Variants in KCNK12 observed in about 807,000 individuals in gnomAD.
KCNK12 encodes the protein potassium channel subfamily K member 12.
In KCNK12, 6 loss-of-function variants were observed where a neutral mutation model predicts 25.3. The observed-to-expected ratio is 0.24, with a 90% confidence interval of 0.13 to 0.47. The LOEUF (loss-of-function observed/expected upper bound fraction) is 0.47, where lower values mean the gene tolerates loss of function less well. Among genes scored for constraint, KCNK12 ranks in the 20% least tolerant of loss-of-function variants. The pLI, the probability that KCNK12 is intolerant of heterozygous loss-of-function variation, is 0.99. For synonymous variants in KCNK12, 331 were observed against 311.1 expected (o/e 1.06, Z -0.67); for missense variants, 444 against 661.7 (o/e 0.67, Z 3.61).
At position 47,519,700 on chromosome 2, in the gene KCNK12, C is replaced by T. The variant is rs1668605294; in HGVS notation, c.*1207G>A. ...GCTACCTCCCTCCTGCCTTCCTCTG[C>T]CTCCAATAGGCTGTGCATGGAGAAG... On this transcript the variant is annotated 3_prime_UTR_variant, in exon 2 of 2. Coordinates refer to ENST00000327876, the MANE Select transcript of KCNK12 (RefSeq NM_022055.2). 1 of 152,280 alleles carries T rather than the reference C, an allele frequency of 6.6e-6. No homozygotes were observed. The highest frequency in any genetic ancestry group is 6.5e-5 in the Admixed American group (1 of 15,284). The allele number at this position is 152,280 out of a possible 1,614,324, so 9.4% of individuals were successfully genotyped here. A position where few individuals can be genotyped will look rare whatever the true frequency, so the allele number is the denominator to read the frequency against.
intron 1 of KCNK12, among the ~76,000 whole-genome samples, chr2:47,526,222 C>G (rs989647102): frequency 1.4e-5 from 2 of 146,694 alleles, no homozygotes; most frequent in Admixed American, 6.8e-5. Flanking sequence ...TGCAAAAACC[C>G]CGTCTCTCCT....
In KCNK12 at chr2:47,569,988, TC is replaced by T; in HGVS notation, c.343del (p.Asp115ThrfsTer16). On this transcript the variant is annotated frameshift_variant, in exon 1 of 2. Coordinates refer to ENST00000327876, the MANE Select transcript of KCNK12 (RefSeq NM_022055.2). LOFTEE classifies it high-confidence loss of function. The surrounding 1 kb of genome is among the most constrained non-coding windows in gnomAD (Gnocchi z 4.1). Reference sequence around the variant, plus strand: ...CACGAAGTAGAAGGCGCCGGGGAAGTCCCAGCGCGGGCGCAGCGCGTCGGCG... The same window carrying T: ...CACGAAGTAGAAGGCGCCGGGGAAGTCCAGCGCGGGCGCAGCGCGTCGGCG... ...VRADALRPRW[D>X]FPGAFYFVGT... is the part of the protein sequence containing the mutation. The T allele has an allele frequency of 7.0e-7, 1 of 1,433,284 alleles. No homozygotes were observed. Among genetic ancestry groups the T allele is most frequent in the Non-Finnish European group, 9.1e-7 (1 of 1,094,480 alleles). The allele number at this position is 1,433,284 out of a possible 1,614,324, so 88.8% of individuals were successfully genotyped here.
In KCNK12 at chr2:47,520,929, G is replaced by A; in HGVS notation, c.1271C>T (p.Ala424Val). The A allele has an allele frequency of 7.9e-7, 1 of 1,269,360 alleles. No homozygotes were observed. Among genetic ancestry groups the A allele is most frequent in the Non-Finnish European group, 9.9e-7 (1 of 1,006,430 alleles). The allele number at this position is 1,269,360 out of a possible 1,614,324, so 78.6% of individuals were successfully genotyped here. A position where few individuals can be genotyped will look rare whatever the true frequency, so the allele number is the denominator to read the frequency against. The stretch of plus-strand genomic sequence containing the variant: ...GGTCTACCTGGAGGCGCTGGTCTCG[G>A]CCAGCCGGTTGTTCATGATGCCCAG... ...GALGIMNNRL[A>V]ETSASR is the part of the protein sequence containing the mutation. The change falls in exon 2 of 2, where the codon GCC becomes GTC. Residue 424 changes from alanine to valine, a missense_variant. Transcript: ENST00000327876. This position sits in a 1 kb window ranked among gnomAD's most constrained non-coding sequence, Gnocchi z 5.0.
chr2:47,545,910 ACTT>A (rs1284313726), intron 1 of KCNK12, among the ~76,000 whole-genome samples: 34 of 148,794 alleles, frequency 2.3e-4, no homozygotes, highest in Admixed American at 1.8e-3. Flanking sequence ...ATTGCACTTA[ACTT>A]CTTTTTTTTT....
chr2:47,537,562 C>T (rs1214287552), intron 1 of KCNK12, among the ~76,000 whole-genome samples: 1 of 152,142 alleles, frequency 6.6e-6, no homozygotes, highest in African/African-American at 2.4e-5. Context: ...ATCTCTTGAC[C>T]TCGTGATCCG....
At chr2:47,541,736 C>T (rs1669204419) in intron 1 of KCNK12, among the ~76,000 whole-genome samples, 1 of 152,142 alleles carries the variant, frequency 6.6e-6, no homozygotes, top group Non-Finnish European at 1.5e-5. Context: ...AGGAAAACCA[C>T]GTGAAGATAT....
In KCNK12 at chr2:47,533,356, T is replaced by C. The variant is rs892436666; in HGVS notation, c.392-11548A>G. Among the ~76,000 whole-genome samples, 3 of 152,272 alleles carry C rather than the reference T, an allele frequency of 2.0e-5. No individual in the cohort carries two copies. Among genetic ancestry groups the C allele is most frequent in the African/African-American group, 7.2e-5 (3 of 41,554 alleles). Reference sequence around the variant, plus strand: ...TCACTGTGAAGATTAAATGAGGATGTAGTTCCCACATGCATCCCACAGTGC... The same window carrying C: ...TCACTGTGAAGATTAAATGAGGATGCAGTTCCCACATGCATCCCACAGTGC... On this transcript the variant is annotated intron_variant, in intron 1 of 1. Transcript: ENST00000327876. This position sits in a 1 kb window ranked among gnomAD's most constrained non-coding sequence, Gnocchi z 4.7.
chr2:47,570,003 A>T lies in KCNK12; in HGVS notation c.329T>A (p.Leu110Gln). The T allele has an allele frequency of 7.0e-7, 1 of 1,435,090 alleles. No homozygotes were observed. Among genetic ancestry groups the T allele is most frequent in the Non-Finnish European group, 9.1e-7 (1 of 1,093,638 alleles). The allele number at this position is 1,435,090 out of a possible 1,614,324, so 88.9% of individuals were successfully genotyped here. Residue 110 changes from leucine (L) to glutamine (Q), a missense_variant, in exon 1 of 2, where the codon CTG becomes CAG. By Grantham distance (113) the Leu-to-Gln change is moderately radical (BLOSUM62 -2). This residue lies in a region of KCNK12 where 106 missense variants were observed against 142.2 expected (regional missense o/e 0.75). Coordinates refer to ENST00000327876, the MANE Select transcript of KCNK12 (RefSeq NM_022055.2). ...ALAAGVRADA[L>Q]RPRWDFPGAF... The stretch of plus-strand genomic sequence containing the variant: ...GCCGGGGAAGTCCCAGCGCGGGCGC[A>T]GCGCGTCGGCGCGGACGCCGGCGGC...
At chr2:47,554,019 A>G (rs1222923597) in intron 1 of KCNK12, among the ~76,000 whole-genome samples, 1 of 152,200 alleles carries the variant, frequency 6.6e-6, no homozygotes, top group African/African-American at 2.4e-5. Flanking sequence ...GTGCTTATGA[A>G]ATACCAGGGC....
chr2:47,526,202 C>G (rs1198829091), intron 1 of KCNK12, among the ~76,000 whole-genome samples: 4 of 150,034 alleles, frequency 2.7e-5, no homozygotes, highest in African/African-American at 9.9e-5. Flanking sequence ...CAAGACCAGC[C>G]TGACCAATAT....
intron 1 of KCNK12, among the ~76,000 whole-genome samples, chr2:47,554,483 C>T (rs1198925423): frequency 6.6e-6 from 1 of 152,160 alleles, no homozygotes; most frequent in Non-Finnish European, 1.5e-5. Flanking sequence ...ACTCACAGAG[C>T]AGTGCGCCAG....
In KCNK12 at chr2:47,518,374, C is replaced by T. The variant is rs1668572322; in HGVS notation, c.*2533G>A. 2 of 152,328 alleles carry T rather than the reference C, an allele frequency of 1.3e-5. No homozygotes were observed. The highest frequency in any genetic ancestry group is 3.9e-4 in the East Asian group (2 of 5,174). 9.4% of individuals were successfully genotyped at this position (152,328 alleles called of 1,614,324 possible). On this transcript the variant is annotated 3_prime_UTR_variant, in exon 2 of 2. Coordinates refer to ENST00000327876, the MANE Select transcript of KCNK12 (RefSeq NM_022055.2). The surrounding 1 kb of genome is among the most constrained non-coding windows in gnomAD (Gnocchi z 4.1). ...GAAGAGGAAGGGTCTCATTTTCCTG[C>T]CCCTTGAAACCATGCTTACCATTCC...
At chr2:47,549,781 A>C (rs1406348098) in intron 1 of KCNK12, among the ~76,000 whole-genome samples, 1 of 152,156 alleles carries the variant, frequency 6.6e-6, no homozygotes, top group African/African-American at 2.4e-5. Context: ...TAAAAATACA[A>C]AAATTAGCCA....
chr2:47,566,224 C>G lies in KCNK12; in HGVS notation c.391+3717G>C, dbSNP rs942081791. 6.6e-6 allele frequency: 1 copy of G among 152,224 alleles called. No individual in the cohort carries two copies. Among genetic ancestry groups the G allele is most frequent in the Admixed American group, 6.5e-5 (1 of 15,284 alleles). The allele number at this position is 152,224 out of a possible 1,614,324, so 9.4% of individuals were successfully genotyped here. A position where few individuals can be genotyped will look rare whatever the true frequency, so the allele number is the denominator to read the frequency against. ...ATCTACACGATTGCAAACTGCCCAG[C>G]TGTGGATACGGGGCCCTGTTCAAAC... On this transcript the variant is annotated intron_variant, in intron 1 of 1. Coordinates refer to ENST00000327876, the MANE Select transcript of KCNK12 (RefSeq NM_022055.2). The surrounding 1 kb of genome is among the most constrained non-coding windows in gnomAD (Gnocchi z 4.1).
intron 1 of KCNK12, among the ~76,000 whole-genome samples, chr2:47,545,625 C>A (rs1473146396): frequency 2.0e-5 from 3 of 152,230 alleles, no homozygotes; most frequent in Non-Finnish European, 4.4e-5. Flanking sequence ...CTGTCACTTG[C>A]TGGCTCTTTG....
At chr2:47,559,367 G>A (rs1392016927) in intron 1 of KCNK12, among the ~76,000 whole-genome samples, 1 of 152,162 alleles carries the variant, frequency 6.6e-6, no homozygotes, top group African/African-American at 2.4e-5. Context: ...GGGAGGTTCT[G>A]GAAACGTGGT....
intron 1 of KCNK12, among the ~76,000 whole-genome samples, chr2:47,541,853 T>A (rs1003074725): frequency 1.3e-4 from 20 of 152,264 alleles, no homozygotes; most frequent in Non-Finnish European, 1.6e-4. Flanking sequence ...AGAAAATACA[T>A]TTCCATTGTT....
Position 47,521,458 on chromosome 2 carries a change from A to T in KCNK12, c.742T>A (p.Tyr248Asn). Residue 248 changes from tyrosine (Y) to asparagine (N), a missense_variant, in exon 2 of 2, where the codon TAC (tyrosine) becomes AAC (asparagine). This residue lies in a region of KCNK12 where 56 missense variants were observed against 135.7 expected (regional missense o/e 0.41). Coordinates refer to ENST00000327876, the MANE Select transcript of KCNK12 (RefSeq NM_022055.2). ...VEGWDYVDSL[Y>N]FCFVTFSTIG... ...GTGCTGAAGGTGACGAAGCAGAAGT[A>T]GAGCGAGTCCACGTAGTCCCAGCCC... 1 of 1,612,874 alleles carries T rather than the reference A, an allele frequency of 6.2e-7. No individual in the cohort carries two copies. Among genetic ancestry groups the T allele is most frequent in the Non-Finnish European group, 8.5e-7 (1 of 1,179,570 alleles).
In KCNK12 at chr2:47,570,447, C is replaced by T; in HGVS notation, c.-116G>A. ...CAGGGGTCCGGGGCCGCCGCGGAGC[C>T]CCTCGCCGCCTTCGCAGAGCCCCTC... On this transcript the variant is annotated 5_prime_UTR_variant, in exon 1 of 2. Coordinates refer to ENST00000327876, the MANE Select transcript of KCNK12 (RefSeq NM_022055.2). 2.8e-6 allele frequency: 3 copies of T among 1,071,980 alleles called. No individual in the cohort carries two copies. The highest frequency in any genetic ancestry group is 3.6e-4 in the Middle Eastern group (1 of 2,776). 66.4% of individuals were successfully genotyped at this position (1,071,980 alleles called of 1,614,324 possible).
Sources: gnomAD v4.1 joint callset for allele counts (sites outside exome capture counted in the v4.1 genomes callset) on GRCh38, gnomAD v4.1.1 for gene constraint, gnomAD v4.1.1 regional missense constraint, Gnocchi (gnomAD v3.1) non-coding constraint, MANE v1.5 for transcripts, NCBI Gene and HGNC (gene_info 2026-07-23, HGNC 2026-07-21) for gene names.